RPL6: variants seen among roughly 807,000 people sequenced by gnomAD.
RPL6 encodes the protein large ribosomal subunit protein eL6.
A neutral mutation model predicts 32.1 loss-of-function variants in RPL6; 1 was observed. The ratio of observed to expected loss-of-function variants is 0.03; its 90% CI spans 0.01 to 0.15. The LOEUF (loss-of-function observed/expected upper bound fraction) is 0.15. Ranked by LOEUF, RPL6 falls within the 10% of genes least tolerant of loss-of-function variation. The pLI is 1.00. For missense variants in RPL6, 275 were observed against 354.6 expected (o/e 0.78, Z 1.80); for synonymous variants, 126 against 131.6 (o/e 0.96, Z 0.29).
rs909832491 is a variant in RPL6 at position 112,405,763 on chromosome 12, T to A, written c.714+90A>T. The A allele has an allele frequency of 3.7e-6, 4 of 1,071,242 alleles. No individual in the cohort carries two copies. The African/African-American group carries it at 6.4e-5, about 17-fold the overall frequency. The allele number at this position is 1,071,242 out of a possible 1,614,324, so 66.4% of individuals were successfully genotyped here. On this transcript the variant is annotated intron_variant, in intron 6 of 6. Transcript: ENST00000202773. ...CCAGCATTCCTCATTATTTAACCTT[T>A]CATTTTTCTTCTTTTTGTGCAACCT...
At chr12:112,407,413 A>C (rs1406900850) in intron 3 of RPL6, 1 of 154,082 alleles carries the variant, frequency 6.5e-6, no homozygotes, top group Non-Finnish European at 1.4e-5. Flanking sequence ...GACTACAAAT[A>C]ACTCACAATA....
intron 1 of RPL6, among the ~76,000 whole-genome samples, chr12:112,417,175 A>G (rs1159576447): frequency 6.6e-6 from 1 of 152,112 alleles, no homozygotes; most frequent in African/African-American, 2.4e-5. Flanking sequence ...CTCCCACCTC[A>G]GCCTCCGGAG....
At chr12:112,406,126 C>A in intron 5 of RPL6, 89 bp from the exon 6 acceptor site, 1 of 1,292,394 alleles carries the variant, frequency 7.7e-7, no homozygotes, top group Non-Finnish European at 1.1e-6. Context: ...TGTTGCTACA[C>A]AAAGAAGACC....
At chr12:112,410,458 C>G (rs144508953), upstream of RPL6, 1 of 152,296 alleles carries the variant, frequency 6.6e-6, no homozygotes, top group African/African-American at 2.5e-5. Context: ...TAACTTACTT[C>G]ATAAGGATGT....
chr12:112,405,759 C>T, intron 6 of RPL6, 94 bp downstream of exon 6: 2 of 1,016,100 alleles, frequency 2.0e-6, no homozygotes, highest in South Asian at 3.4e-5. Flanking sequence ...CATTATTTAA[C>T]CTTTCATTTT....
In RPL6 at chr12:112,406,295, A is replaced by G. The variant is rs369428214; in HGVS notation, c.528T>C (p.Thr176=). The G allele has an allele frequency of 6.8e-6, 11 of 1,611,938 alleles. No homozygotes were observed. The highest frequency in any genetic ancestry group is 1.3e-5 in the African/African-American group (1 of 74,918). ...KQLASGLLLV[T]GPLVLNRVPL... ...ATCACAATCCAAGGATTTTCTTACCAGTCACAAGTAATAAGCCACTAGCCA... is the reference window on the plus strand; with the variant it reads ...ATCACAATCCAAGGATTTTCTTACCGGTCACAAGTAATAAGCCACTAGCCA... The change falls in exon 5 of 7, where the codon ACT becomes ACC. Residue 176 remains threonine, a splice_region_variant and synonymous_variant. Coordinates refer to ENST00000202773, the MANE Select transcript of RPL6 (RefSeq NM_000970.6).
At chr12:112,417,992 T>C (rs1195063962) in intron 1 of RPL6, among the ~76,000 whole-genome samples, 5 of 149,144 alleles carry the variant, frequency 3.4e-5, no homozygotes, top group African/African-American at 9.9e-5. Context: ...ATTATTATTA[T>C]TATTTTGAGA....
At chr12:112,418,808 A>T (rs1242986441) in exon 1 of RPL6, 2 of 464,046 alleles carry the variant, frequency 4.3e-6, no homozygotes, top group Non-Finnish European at 7.7e-6. Flanking sequence ...CCGCGCTGCC[A>T]TTCCCGGCCG....
intron 1 of RPL6, among the ~76,000 whole-genome samples, chr12:112,415,671 G>T (rs1478748013): frequency 6.6e-6 from 1 of 151,826 alleles, no homozygotes; most frequent in Non-Finnish European, 1.5e-5. Flanking sequence ...AGCCGGGATT[G>T]CGCCACTGCA....
intron 1 of RPL6, chr12:112,418,402 C>T (rs1369040478): frequency 6.1e-6 from 1 of 164,462 alleles, no homozygotes; most frequent in South Asian, 2.0e-4. Context: ...GCCTCCACGC[C>T]CGGTTAGTTT....
chr12:112,415,676 A>G (rs942634239), intron 1 of RPL6, among the ~76,000 whole-genome samples: 9 of 151,880 alleles, frequency 5.9e-5, no homozygotes, highest in African/African-American at 2.2e-4. Context: ...GGATTGCGCC[A>G]CTGCACTCCA....
At chr12:112,415,459 TC>T in intron 1 of RPL6, among the ~76,000 whole-genome samples, 1 of 152,262 alleles carries the variant, frequency 6.6e-6, no homozygotes, top group South Asian at 2.1e-4. Flanking sequence ...ACGCCTGTAA[TC>T]CCAGCACTTT....
At chr12:112,414,440 A>C (rs2037377666), upstream of RPL6, among the ~76,000 whole-genome samples, 1 of 152,248 alleles carries the variant, frequency 6.6e-6, no homozygotes, top group Non-Finnish European at 1.5e-5. Flanking sequence ...ACTTTGGAAA[A>C]GAGACAAATG....
At chr12:112,417,225 T>G (rs999905894) in intron 1 of RPL6, among the ~76,000 whole-genome samples, 16 of 151,928 alleles carry the variant, frequency 1.1e-4, no homozygotes, top group African/African-American at 3.9e-4. Context: ...GCCCGACTAA[T>G]CTTTGTATTT....
Position 112,406,728 on chromosome 12 carries a change from C to CA in RPL6, c.480+18dup. ...CCCAGGCAGCTGCAGTGAAGCGCCC[C>CA]AAGCACAGGTACTCTCACCTTGCCC... is the stretch of plus-strand genomic sequence containing the variant. On this transcript the variant is annotated intron_variant, in intron 4 of 6. Transcript: ENST00000202773. 1 of 1,613,580 alleles carries CA rather than the reference C, an allele frequency of 6.2e-7. No individual in the cohort carries two copies. The highest frequency in any genetic ancestry group is 8.5e-7 in the Non-Finnish European group (1 of 1,179,776).
At chr12:112,415,403 T>C (rs2135811512) in intron 1 of RPL6, among the ~76,000 whole-genome samples, 1 of 152,220 alleles carries the variant, frequency 6.6e-6, no homozygotes, top group Non-Finnish European at 1.5e-5. Context: ...ACCTTGGGTC[T>C]AAAAAAATTT....
chr12:112,409,702 C>T (rs1224597149), upstream of RPL6: 4 of 389,218 alleles, frequency 1.0e-5, no homozygotes, highest in African/African-American at 2.1e-5. Flanking sequence ...TAGTATTTCC[C>T]CGTTAAGAAA....
intron 1 of RPL6, 60 bp downstream of exon 1, chr12:112,409,527 G>A (rs2037295130): frequency 2.5e-6 from 1 of 398,570 alleles, no homozygotes; most frequent in African/African-American, 2.1e-5. Flanking sequence ...CTCCAGGTTC[G>A]GATGGCGAAG....
chr12:112,406,674 T>TA, intron 4 of RPL6, 73 bp downstream of exon 4: 2 of 1,572,462 alleles, frequency 1.3e-6, no homozygotes, highest in Admixed American at 3.7e-5. Context: ...AAAGTACACC[T>TA]AGCGTGCAAA....
Sources: gnomAD v4.1 joint callset for allele counts (sites outside exome capture counted in the v4.1 genomes callset) on GRCh38, gnomAD v4.1.1 for gene constraint, MANE v1.5 for transcripts, NCBI Gene and HGNC (gene_info 2026-07-23, HGNC 2026-07-21) for gene names.